PAK5: variants seen among roughly 807,000 people sequenced by gnomAD.
PAK5 encodes p21 (RAC1) activated kinase 5.
PAK5 carries 16 observed loss-of-function variants against 65.9 expected under a neutral mutation model. The observed-to-expected ratio is 0.24, with a 90% CI of 0.16 to 0.37. The LOEUF (loss-of-function observed/expected upper bound fraction) is 0.37. Among genes scored for constraint, PAK5 ranks in the 10% least tolerant of loss-of-function variants. The pLI is 1.00. For missense variants in PAK5, 785 were observed against 903.9 expected, an observed-to-expected ratio of 0.87 and a Z score of 1.69; for synonymous variants, 371 against 354.9, an observed-to-expected ratio of 1.05 and a Z score of -0.51.
chr20:9,701,238 G>T (rs1296994465), intron 2 of PAK5, among the ~76,000 whole-genome samples: 2 of 152,148 alleles, frequency 1.3e-5, no homozygotes, highest in African/African-American at 2.4e-5. Context: ...TTGTCTTTGT[G>T]CATGTCAAAC....
At chr20:9,640,897 G>C (rs562566706) in intron 3 of PAK5, among the ~76,000 whole-genome samples, 5 of 152,308 alleles carry the variant, frequency 3.3e-5, no homozygotes, top group African/African-American at 1.2e-4. Flanking sequence ...GTGTGGCCCC[G>C]AAGAGTGAGC....
intron 1 of PAK5, among the ~76,000 whole-genome samples, chr20:9,754,834 T>C (rs889401952): frequency 6.6e-6 from 1 of 152,190 alleles, no homozygotes; most frequent in Non-Finnish European, 1.5e-5. Context: ...CAGATTTCTT[T>C]CACTGTCACA....
intron 1 of PAK5, among the ~76,000 whole-genome samples, chr20:9,713,580 C>T (rs1368130347): frequency 6.6e-6 from 1 of 152,002 alleles, no homozygotes; most frequent in Non-Finnish European, 1.5e-5. Flanking sequence ...TATTTCAGTG[C>T]TATTCATAAT....
intron 2 of PAK5, among the ~76,000 whole-genome samples, chr20:9,672,823 G>C (rs1248706171): frequency 6.6e-6 from 1 of 152,110 alleles, no homozygotes; most frequent in Non-Finnish European, 1.5e-5. Flanking sequence ...CAGATAGGAA[G>C]TATAGATACA....
chr20:9,807,781 A>AATAATAATAATG (rs2049251203), intron 1 of PAK5, among the ~76,000 whole-genome samples: 1 of 149,726 alleles, frequency 6.7e-6, no homozygotes. Flanking sequence ...TAATAATAAT[A>AATAATAATAATG]ATAATAATAA....
intron 1 of PAK5, among the ~76,000 whole-genome samples, chr20:9,744,884 G>A (rs2048488856): frequency 6.6e-6 from 1 of 152,148 alleles, no homozygotes; most frequent in African/African-American, 2.4e-5. Context: ...TGTGGTTTCA[G>A]CAAAATCAGC....
intron 3 of PAK5, among the ~76,000 whole-genome samples, chr20:9,641,612 C>G (rs568616561): frequency 1.3e-5 from 2 of 152,004 alleles, no homozygotes; most frequent in South Asian, 4.2e-4. Context: ...CTTGGGTGGT[C>G]GATGGGACTG....
intron 1 of PAK5, among the ~76,000 whole-genome samples, chr20:9,828,254 G>C (rs1978432716): frequency 6.6e-6 from 1 of 152,136 alleles, no homozygotes; most frequent in African/African-American, 2.4e-5. Context: ...CCCTCAAAAA[G>C]GGTTAAACCA....
At chr20:9,714,312 C>T (rs1227111545) in intron 1 of PAK5, among the ~76,000 whole-genome samples, 7 of 151,988 alleles carry the variant, frequency 4.6e-5, no homozygotes, top group Non-Finnish European at 7.4e-5. Context: ...AAAATTTTTC[C>T]ATTTTTCTCC....
chr20:9,811,164 G>A (rs959101109), intron 1 of PAK5, among the ~76,000 whole-genome samples: 5 of 152,112 alleles, frequency 3.3e-5, no homozygotes, highest in Non-Finnish European at 7.4e-5. Context: ...TGTTTACAAA[G>A]TACTGGCCAA....
At chr20:9,797,503 G>T in intron 1 of PAK5, among the ~76,000 whole-genome samples, 1 of 131,152 alleles carries the variant, frequency 7.6e-6, no homozygotes, top group Non-Finnish European at 1.6e-5. Context: ...TTGTGGGGTG[G>T]GGGGAGGGCG....
chr20:9,579,208 G>A (rs1260328902), intron 4 of PAK5, among the ~76,000 whole-genome samples: 1 of 152,168 alleles, frequency 6.6e-6, no homozygotes, highest in Non-Finnish European at 1.5e-5. Flanking sequence ...ACTGCCCTGT[G>A]AGAAGTCATG....
intron 2 of PAK5, among the ~76,000 whole-genome samples, chr20:9,707,083 T>C (rs1337628435): frequency 6.6e-6 from 1 of 152,176 alleles, no homozygotes; most frequent in Non-Finnish European, 1.5e-5. Context: ...TATTCCTATG[T>C]CTTTAAATAC....
At chr20:9,823,745 C>G (rs894936672) in intron 1 of PAK5, among the ~76,000 whole-genome samples, 1 of 152,206 alleles carries the variant, frequency 6.6e-6, no homozygotes, top group Non-Finnish European at 1.5e-5. Flanking sequence ...CTTGCCCTCT[C>G]TCTTAACGGT....
chr20:9,766,910 GTTT>G (rs34227748), intron 1 of PAK5, among the ~76,000 whole-genome samples: 1 of 149,538 alleles, frequency 6.7e-6, no homozygotes, highest in East Asian at 2.0e-4. Flanking sequence ...TCATTAAAAT[GTTT>G]TTTTTTTTAA....
intron 3 of PAK5, among the ~76,000 whole-genome samples, chr20:9,621,308 G>T (rs6118669): frequency 3.3e-5 from 5 of 151,378 alleles, no homozygotes; most frequent in African/African-American, 1.2e-4. Context: ...AACAGATGGC[G>T]GGCAGAATTT....
intron 2 of PAK5, among the ~76,000 whole-genome samples, chr20:9,675,706 A>G (rs1386142163): frequency 6.6e-6 from 1 of 152,182 alleles, no homozygotes; most frequent in Non-Finnish European, 1.5e-5. Context: ...TATTCAGTTC[A>G]CATTCTTAAA....
At chr20:9,828,149 A>G (rs1320044937) in intron 1 of PAK5, among the ~76,000 whole-genome samples, 1 of 152,098 alleles carries the variant, frequency 6.6e-6, no homozygotes, top group African/African-American at 2.4e-5. Context: ...TGCAATTTAG[A>G]TACTGCTTGG....
chr20:9,630,766 T>C (rs1351375531), intron 3 of PAK5, among the ~76,000 whole-genome samples: 1 of 152,198 alleles, frequency 6.6e-6, no homozygotes, highest in African/African-American at 2.4e-5. Flanking sequence ...TGCCTTGAAA[T>C]GTAATCAGGG....
Sources: gnomAD v4.1 joint callset for allele counts (sites outside exome capture counted in the v4.1 genomes callset) on GRCh38, gnomAD v4.1.1 for gene constraint, MANE v1.5 for transcripts, NCBI Gene and HGNC (gene_info 2026-07-23, HGNC 2026-07-21) for gene names.